The following ANKRD18B variants were observed in gnomAD, a reference collection of about 807,000 sequenced individuals.
The protein encoded by ANKRD18B is ankyrin repeat domain 18B, also known as ankyrin repeat domain-containing protein 18B.
A neutral mutation model predicts 111.8 loss-of-function variants in ANKRD18B; 75 were observed. The ratio of observed to expected loss-of-function variants is 0.67; its 90% confidence interval spans 0.56 to 0.81. The LOEUF is 0.81. Among genes scored for constraint, ANKRD18B ranks in the 40% least tolerant of loss-of-function variants. The probability of loss-of-function intolerance (pLI) is 0.00; values close to 1 mark genes in which losing one functional copy is unlikely to be tolerated. For synonymous variants in ANKRD18B, 356 were observed against 417.3 expected (o/e 0.85, Z 1.79); for missense variants, 1,038 against 1,225.5 (o/e 0.85, Z 2.28).
intron 9 of ANKRD18B, among the ~76,000 whole-genome samples, chr9:33,541,611 T>G (rs2118030282): frequency 6.6e-6 from 1 of 152,214 alleles, no homozygotes; most frequent in East Asian, 1.9e-4. Flanking sequence ...AGCAGGAGAA[T>G]TACTTCAGCC....
intron 18 of ANKRD18B, 160 bp from the exon 19 acceptor site, chr9:33,572,156 A>C: frequency 1.6e-6 from 1 of 622,634 alleles, no homozygotes; most frequent in East Asian, 2.9e-5. Flanking sequence ...AATTAGTGCC[A>C]TGTGTAAATG....
intron 14 of ANKRD18B, among the ~76,000 whole-genome samples, chr9:33,559,082 A>G (rs1828570166): frequency 6.6e-6 from 1 of 152,216 alleles, no homozygotes; most frequent in Non-Finnish European, 1.5e-5. Context: ...ATAGGTATAA[A>G]GGAAGGCCTT....
intron 4 of ANKRD18B, 173 bp downstream of exon 4, chr9:33,533,718 A>G: frequency 7.6e-7 from 1 of 1,317,766 alleles, no homozygotes; most frequent in Non-Finnish European, 9.9e-7. Flanking sequence ...ACTAAGCAAC[A>G]TAAAAAACAG....
In ANKRD18B at chr9:33,524,417, G is replaced by A. The variant is rs1164911113; in HGVS notation, c.-73G>A. The A allele has an allele frequency of 8.9e-6, 13 of 1,459,102 alleles. No individual in the cohort carries two copies. The highest frequency in any genetic ancestry group is 8.6e-5 in the African/African-American group (6 of 69,986). 90.4% of individuals were successfully genotyped at this position (1,459,102 alleles called of 1,614,324 possible). A position where few individuals can be genotyped will look rare whatever the true frequency, so the allele number is the denominator to read the frequency against. ...GAGGGGGATCTCGAATTTGGAGCTG[G>A]GTGGGGGTGGAAAGGCCACGAGGAG... On this transcript the variant is annotated 5_prime_UTR_variant, in exon 1 of 19. Coordinates refer to ENST00000684830, the MANE Select transcript of ANKRD18B (RefSeq NM_001393611.1).
At chr9:33,570,324 G>A (rs1828751173) in intron 17 of ANKRD18B, among the ~76,000 whole-genome samples, 1 of 152,136 alleles carries the variant, frequency 6.6e-6, no homozygotes, top group African/African-American at 2.4e-5. Context: ...GGCCAGGGTT[G>A]AAAAACTGCT....
chr9:33,539,288 A>G (rs1828245464), intron 6 of ANKRD18B, among the ~76,000 whole-genome samples, 161 bp from the exon 7 acceptor site: 1 of 152,204 alleles, frequency 6.6e-6, no homozygotes, highest in Admixed American at 6.5e-5. Flanking sequence ...CACGTTCAGT[A>G]TGTGCCAGGC....
intron 14 of ANKRD18B, among the ~76,000 whole-genome samples, chr9:33,559,414 C>T (rs1299782542): frequency 2.6e-5 from 4 of 152,134 alleles, no homozygotes; most frequent in Admixed American, 2.0e-4. Context: ...TTTTTTTCAG[C>T]TTCTTCTCTC....
Position 33,528,845 on chromosome 9 carries a change from T to C in ANKRD18B, c.321+4T>C. The C allele has an allele frequency of 1.3e-6, 2 of 1,599,362 alleles. No homozygotes were observed. The highest frequency in any genetic ancestry group is 1.7e-6 in the Non-Finnish European group (2 of 1,172,764). Reference sequence around the variant, plus strand: ...AAACAGGACACCTTTAATGAAGGTATATAGTAGCCAACTCAGCATGAAATG... The same window carrying C: ...AAACAGGACACCTTTAATGAAGGTACATAGTAGCCAACTCAGCATGAAATG... On this transcript the variant is annotated splice_donor_region_variant and intron_variant, in intron 2 of 18. Transcript: ENST00000684830.
At chr9:33,542,797 A>G (rs1012885702) in intron 9 of ANKRD18B, among the ~76,000 whole-genome samples, 2 of 152,236 alleles carry the variant, frequency 1.3e-5, no homozygotes, top group African/African-American at 2.4e-5. Flanking sequence ...GCAAATTATT[A>G]GTAAATAATG....
intron 8 of ANKRD18B, among the ~76,000 whole-genome samples, chr9:33,540,564 T>A (rs1311341555): frequency 7.2e-5 from 11 of 152,190 alleles, no homozygotes; most frequent in Non-Finnish European, 1.5e-4. Context: ...CAGTGTTTGC[T>A]CTAGAAATTC....
intron 15 of ANKRD18B, among the ~76,000 whole-genome samples, 185 bp downstream of exon 15, chr9:33,566,685 C>G (rs1436731618): frequency 6.6e-6 from 1 of 151,972 alleles, no homozygotes; most frequent in Non-Finnish European, 1.5e-5. Flanking sequence ...ATTATTATAA[C>G]AAAATCAATC....
intron 12 of ANKRD18B, among the ~76,000 whole-genome samples, chr9:33,554,569 G>A (rs916754996): frequency 5.3e-5 from 8 of 152,152 alleles, no homozygotes; most frequent in Admixed American, 2.6e-4. Flanking sequence ...TTGAGAGGCC[G>A]AGGAGGGCAG....
intron 5 of ANKRD18B, among the ~76,000 whole-genome samples, chr9:33,534,863 G>A (rs887223627): frequency 8.6e-6 from 1 of 116,372 alleles, no homozygotes; most frequent in African/African-American, 3.3e-5. Context: ...GTCTCACTCT[G>A]TTGCTCATGT....
At chr9:33,566,196 G>C (rs1315414741) in intron 14 of ANKRD18B, 23 bp from the exon 15 acceptor site, 1 of 1,529,616 alleles carries the variant, frequency 6.5e-7, no homozygotes, top group South Asian at 1.3e-5. Context: ...TCATTATCAA[G>C]CTCTATTATT....
At chr9:33,562,954 T>C (rs1828628400) in intron 14 of ANKRD18B, among the ~76,000 whole-genome samples, 1 of 152,242 alleles carries the variant, frequency 6.6e-6, no homozygotes, top group Non-Finnish European at 1.5e-5. Flanking sequence ...CCAGTTGTTT[T>C]TCAAATCATA....
At chr9:33,536,407 T>C (rs1828202348) in intron 5 of ANKRD18B, among the ~76,000 whole-genome samples, 1 of 152,236 alleles carries the variant, frequency 6.6e-6, no homozygotes, top group Non-Finnish European at 1.5e-5. Flanking sequence ...CAAAATGGTT[T>C]CAGCAATGCA....
intron 17 of ANKRD18B, among the ~76,000 whole-genome samples, chr9:33,569,684 G>A (rs1202749375): frequency 6.6e-6 from 1 of 152,072 alleles, no homozygotes; most frequent in East Asian, 1.9e-4. Flanking sequence ...CCCAAAATAA[G>A]TGCATTTTAT....
Position 33,567,051 on chromosome 9 carries a change from T to C in ANKRD18B, c.2743-52T>C, listed in dbSNP as rs539666884. 1,145 of 1,476,338 alleles carry C rather than the reference T, an allele frequency of 7.8e-4. 23 individuals are homozygous for C. In the South Asian group the frequency reaches 0.014, roughly 19 times the overall value. The allele number at this position is 1,476,338 out of a possible 1,614,324, so 91.5% of individuals were successfully genotyped here. A position where few individuals can be genotyped will look rare whatever the true frequency, so the allele number is the denominator to read the frequency against. On this transcript the variant is annotated intron_variant, in intron 15 of 18. Transcript: ENST00000684830. ...TTCAAAATGAAAGGCAACAAACATA[T>C]GGTAATTAACTTATAATTGTTTTAA...
intron 7 of ANKRD18B, among the ~76,000 whole-genome samples, chr9:33,539,811 A>G (rs1477768597): frequency 6.6e-6 from 1 of 150,832 alleles, no homozygotes; most frequent in Admixed American, 6.6e-5. Flanking sequence ...AGTGGCCAAA[A>G]CCATAAGAAC....
Sources: allele counts gnomAD v4.1 joint callset (sites outside exome capture counted in the v4.1 genomes callset), GRCh38; gene constraint gnomAD v4.1.1; transcripts MANE v1.5; gene names NCBI Gene and HGNC (gene_info 2026-07-23, HGNC 2026-07-21).